ADCY2: variants seen among roughly 807,000 people sequenced by gnomAD.
ADCY2 encodes the protein adenylate cyclase 2.
A neutral mutation model predicts 125.2 loss-of-function variants in ADCY2; 31 were observed. That is an observed-to-expected ratio of 0.25 (90% CI 0.19 to 0.33). The LOEUF (loss-of-function observed/expected upper bound fraction) is 0.33, where lower values mean the gene tolerates loss of function less well. ADCY2 is among the 10% of genes least tolerant of loss of function. The pLI, the probability that ADCY2 is intolerant of heterozygous loss-of-function variation, is 1.00. For synonymous variants in ADCY2, 512 were observed against 548.4 expected (o/e 0.93, Z 0.93); for missense variants, 904 against 1,418.2 (o/e 0.64, Z 5.82).
At chr5:7,421,341 G>A (rs1462424272) in intron 2 of ADCY2, among the ~76,000 whole-genome samples, 1 of 152,168 alleles carries the variant, frequency 6.6e-6, no homozygotes, top group Non-Finnish European at 1.5e-5. Context: ...TATTCTTTTG[G>A]AAGACTCTAG....
chr5:7,411,626 C>G (rs577987875), intron 1 of ADCY2, among the ~76,000 whole-genome samples: 1 of 151,954 alleles, frequency 6.6e-6, no homozygotes, highest in South Asian at 2.1e-4. Context: ...CACCTGCAGC[C>G]CTGACAAATC....
chr5:7,417,919 T>A (rs759908313), intron 2 of ADCY2, among the ~76,000 whole-genome samples: 3 of 152,250 alleles, frequency 2.0e-5, no homozygotes, highest in African/African-American at 4.8e-5. Flanking sequence ...TTTCATATGT[T>A]CATTGACAGA....
chr5:7,675,078 C>T (rs1271942718), intron 4 of ADCY2, among the ~76,000 whole-genome samples: 1 of 151,556 alleles, frequency 6.6e-6, no homozygotes, highest in Non-Finnish European at 1.5e-5. Flanking sequence ...TGGCGTGAAC[C>T]CGGGAGGCAG....
intron 2 of ADCY2, among the ~76,000 whole-genome samples, chr5:7,437,104 C>T (rs1280196217): frequency 6.6e-6 from 1 of 152,148 alleles, no homozygotes; most frequent in Admixed American, 6.5e-5. Flanking sequence ...TGCAGGAACT[C>T]AGGCCAGGAG....
At chr5:7,775,832 G>A (rs918290722) in intron 18 of ADCY2, among the ~76,000 whole-genome samples, 1 of 152,158 alleles carries the variant, frequency 6.6e-6, no homozygotes, top group African/African-American at 2.4e-5. Flanking sequence ...ATCCCTGAAC[G>A]GGCTGCACGA....
At chr5:7,563,288 T>C (rs891365008) in intron 3 of ADCY2, among the ~76,000 whole-genome samples, 1 of 152,182 alleles carries the variant, frequency 6.6e-6, no homozygotes, top group Non-Finnish European at 1.5e-5. Flanking sequence ...TGCAGCAATA[T>C]AGAACTTCAC....
chr5:7,496,502 G>T (rs1743351012), intron 2 of ADCY2, among the ~76,000 whole-genome samples: 1 of 152,122 alleles, frequency 6.6e-6, no homozygotes, highest in Non-Finnish European at 1.5e-5. Flanking sequence ...TATAATAGCT[G>T]AATGAATTCG....
At chr5:7,434,361 A>G (rs975199374) in intron 2 of ADCY2, among the ~76,000 whole-genome samples, 1 of 152,274 alleles carries the variant, frequency 6.6e-6, no homozygotes, top group African/African-American at 2.4e-5. Context: ...ACATCTGCAT[A>G]TATCAGAAGT....
At chr5:7,510,610 G>A (rs1034355590) in intron 2 of ADCY2, among the ~76,000 whole-genome samples, 11 of 152,322 alleles carry the variant, frequency 7.2e-5, no homozygotes, top group African/African-American at 2.6e-4. Flanking sequence ...CAAATAGGAT[G>A]CAGTGTCATT....
chr5:7,770,656 G>C (rs1743526660), intron 17 of ADCY2, among the ~76,000 whole-genome samples: 1 of 152,146 alleles, frequency 6.6e-6, no homozygotes, highest in Non-Finnish European at 1.5e-5. Context: ...GCCTTGTTAA[G>C]ATCAGCTGCT....
chr5:7,641,446 C>A (rs1169634518), intron 4 of ADCY2, among the ~76,000 whole-genome samples: 3 of 151,994 alleles, frequency 2.0e-5, no homozygotes, highest in African/African-American at 7.2e-5. Flanking sequence ...TATGAGTTAT[C>A]GTTCTGTGTT....
intron 18 of ADCY2, among the ~76,000 whole-genome samples, chr5:7,780,375 CG>C (rs1028411340): frequency 6.6e-6 from 1 of 152,138 alleles, no homozygotes; most frequent in African/African-American, 2.4e-5. Flanking sequence ...TTGATACTGA[CG>C]ATTCCTGAGG....
At chr5:7,789,986 G>A (rs561969360) in intron 20 of ADCY2, among the ~76,000 whole-genome samples, 186 bp downstream of exon 20, 12 of 152,230 alleles carry the variant, frequency 7.9e-5, no homozygotes, top group African/African-American at 4.8e-5. Flanking sequence ...AGAGATATCC[G>A]TTGAGAATAG....
intron 3 of ADCY2, among the ~76,000 whole-genome samples, chr5:7,563,003 T>A (rs190963847): frequency 1.8e-4 from 27 of 152,338 alleles, no homozygotes; most frequent in Non-Finnish European, 3.2e-4. Flanking sequence ...TATTTTGCTA[T>A]CCTGCTCATT....
chr5:7,638,364 C>A (rs550262398), intron 4 of ADCY2, among the ~76,000 whole-genome samples: 29 of 152,194 alleles, frequency 1.9e-4, no homozygotes, highest in African/African-American at 7.0e-4. Context: ...CTCAGCAGCC[C>A]GCACCTATGA....
chr5:7,825,210 A>ACGCTGCTGG (rs1745433914), intron 24 of ADCY2, among the ~76,000 whole-genome samples: 2 of 152,030 alleles, frequency 1.3e-5, no homozygotes, highest in Admixed American at 1.3e-4. Flanking sequence ...CGCCACGACA[A>ACGCTGCTGG]CGCTGCTGTG....
At chr5:7,538,416 T>C (rs1412477411) in intron 3 of ADCY2, among the ~76,000 whole-genome samples, 1 of 152,220 alleles carries the variant, frequency 6.6e-6, no homozygotes, top group African/African-American at 2.4e-5. Flanking sequence ...AATTCCCAGC[T>C]AAATGCTTGG....
rs187249045 is a variant in ADCY2 at position 7,464,972 on chromosome 5, A to G, written c.408+50202A>G. Among the ~76,000 whole-genome samples, 494 of 152,304 alleles carry G rather than the reference A, an allele frequency of 3.2e-3. 5 individuals are homozygous for G. Among genetic ancestry groups the G allele is most frequent in the African/African-American group, 0.011 (477 of 41,564 alleles). On this transcript the variant is annotated intron_variant, in intron 2 of 24. Transcript: ENST00000338316. The stretch of plus-strand genomic sequence containing the variant: ...GGCCTCACCATCATGGTGGAAGGCA[A>G]AAGGCATGTCTTACATGGCAGCAGG...
In ADCY2 at chr5:7,635,400, G is replaced by C. The variant is rs60052119; in HGVS notation, c.720+9084G>C. ...ATATTTTAAAATTGATTTAGTATGG[G>C]TTACTTTTGGATTAGCTGCTGAGTG... On this transcript the variant is annotated intron_variant, in intron 4 of 24. Coordinates refer to ENST00000338316, the MANE Select transcript of ADCY2 (RefSeq NM_020546.3). 4.4e-3 allele frequency among the ~76,000 whole-genome samples: 667 copies of C among 152,218 alleles called. 6 individuals are homozygous for C. Among genetic ancestry groups the C allele is most frequent in the African/African-American group, 0.015 (629 of 41,548 alleles).
Sources: gnomAD v4.1 joint callset for allele counts (sites outside exome capture counted in the v4.1 genomes callset) on GRCh38, gnomAD v4.1.1 for gene constraint, MANE v1.5 for transcripts, NCBI Gene and HGNC (gene_info 2026-07-23, HGNC 2026-07-21) for gene names.